The following PKIA variants were observed in gnomAD, a reference collection of about 807,000 sequenced individuals.
PKIA encodes PKI-alpha.
A neutral mutation model predicts 7.6 loss-of-function variants in PKIA; 4 were observed. The observed-to-expected ratio is 0.52, with a 90% CI of 0.26 to 1.20. PKIA has a LOEUF of 1.20. Ranked by LOEUF, PKIA falls within the 50% of genes most tolerant of loss-of-function variation. The pLI is 0.13. For missense variants in PKIA, 73 were observed against 86.2 expected, an observed-to-expected ratio of 0.85 and a Z score of 0.61; for synonymous variants, 21 against 30.7, an observed-to-expected ratio of 0.68 and a Z score of 1.04.
intron 2 of PKIA, among the ~76,000 whole-genome samples, chr8:78,574,152 G>A (rs1276712346): frequency 6.6e-6 from 1 of 151,906 alleles, no homozygotes; most frequent in Non-Finnish European, 1.5e-5. Flanking sequence ...AACAGTAATT[G>A]TACATATTTA....
chr8:78,574,769 T>C (rs1265625910), intron 2 of PKIA, among the ~76,000 whole-genome samples: 1 of 152,052 alleles, frequency 6.6e-6, no homozygotes. Context: ...TGTCTTTGTA[T>C]GTACTTATCA....
chr8:78,537,991 G>A (rs1412360359), intron 1 of PKIA, among the ~76,000 whole-genome samples: 2 of 151,876 alleles, frequency 1.3e-5, no homozygotes, highest in East Asian at 1.9e-4. Flanking sequence ...CAGGTGTCCT[G>A]GTCTCCAAAA....
At chr8:78,593,701 G>A (rs1360032569) in intron 2 of PKIA, among the ~76,000 whole-genome samples, 3 of 152,160 alleles carry the variant, frequency 2.0e-5, no homozygotes, top group Non-Finnish European at 4.4e-5. Context: ...CTCATAGACA[G>A]GCTGCCTGGT....
chr8:78,565,767 C>A (rs546273038), intron 1 of PKIA, among the ~76,000 whole-genome samples: 2 of 151,828 alleles, frequency 1.3e-5, no homozygotes, highest in African/African-American at 2.4e-5. Flanking sequence ...CAGGCACTCA[C>A]GGCATTGTTA....
At chr8:78,566,905 C>T (rs78310701) in intron 1 of PKIA, among the ~76,000 whole-genome samples, 5,536 of 152,144 alleles carry the variant, frequency 0.036, 153 homozygotes, top group South Asian at 0.07. Flanking sequence ...TCAGTGAGTT[C>T]TTCCAAAAAC....
intron 1 of PKIA, among the ~76,000 whole-genome samples, chr8:78,529,111 A>G (rs1192666770): frequency 6.6e-6 from 1 of 152,098 alleles, no homozygotes; most frequent in African/African-American, 2.4e-5. Context: ...TATTAATAAC[A>G]TACCATGATA....
chr8:78,567,932 T>G (rs968748620), intron 1 of PKIA, among the ~76,000 whole-genome samples: 9 of 152,288 alleles, frequency 5.9e-5, no homozygotes, highest in Non-Finnish European at 1.3e-4. Context: ...ATCACTTCCT[T>G]AATTTCTCAC....
At chr8:78,588,378 G>A (rs1808003724) in intron 2 of PKIA, among the ~76,000 whole-genome samples, 1 of 152,180 alleles carries the variant, frequency 6.6e-6, no homozygotes, top group Non-Finnish European at 1.5e-5. Flanking sequence ...TACTCAGGAG[G>A]CTGAGGCAGG....
chr8:78,551,360 T>C (rs1305563599), intron 1 of PKIA, among the ~76,000 whole-genome samples: 1 of 152,026 alleles, frequency 6.6e-6, no homozygotes, highest in Non-Finnish European at 1.5e-5. Flanking sequence ...TTAGCATATC[T>C]AAATAGTCCT....
At chr8:78,559,222 C>G (rs1241325874) in intron 1 of PKIA, among the ~76,000 whole-genome samples, 2 of 152,060 alleles carry the variant, frequency 1.3e-5, no homozygotes, top group Non-Finnish European at 2.9e-5. Context: ...GTGCCCAGCC[C>G]TTTATGGGTA....
chr8:78,525,802 A>C (rs1809530235), intron 1 of PKIA, among the ~76,000 whole-genome samples: 2 of 151,856 alleles, frequency 1.3e-5, no homozygotes, highest in South Asian at 2.1e-4. Context: ...ATTTATTTTT[A>C]ATTTATTTAT....
At chr8:78,579,490 C>T (rs1243347796) in intron 2 of PKIA, among the ~76,000 whole-genome samples, 1 of 151,986 alleles carries the variant, frequency 6.6e-6, no homozygotes, top group African/African-American at 2.4e-5. Context: ...AGCATTAGGA[C>T]CTTTGCACTT....
intron 1 of PKIA, among the ~76,000 whole-genome samples, chr8:78,537,050 G>C (rs529355627): frequency 3.3e-5 from 5 of 152,108 alleles, no homozygotes; most frequent in African/African-American, 1.2e-4. Flanking sequence ...TATAGACCTA[G>C]ATAGAGCTCA....
rs950749734 is a variant in PKIA at position 78,602,539 on chromosome 8, C to A, written c.*718C>A. On this transcript the variant is annotated 3_prime_UTR_variant, in exon 4 of 4. Coordinates refer to ENST00000396418, the MANE Select transcript of PKIA (RefSeq NM_006823.4). The stretch of plus-strand genomic sequence containing the variant: ...ATGTTGATGAGTTGATTAAGTCTAA[C>A]AGATTCATCAAGACTCCATTGCTTT... The A allele has an allele frequency of 3.9e-5, 6 of 152,134 alleles. No homozygotes were observed. Among genetic ancestry groups the A allele is most frequent in the Non-Finnish European group, 5.9e-5 (4 of 67,898 alleles). The allele number at this position is 152,134 out of a possible 1,614,324, so 9.4% of individuals were successfully genotyped here.
intron 1 of PKIA, among the ~76,000 whole-genome samples, chr8:78,559,031 C>A (rs1807219729): frequency 6.6e-6 from 1 of 152,308 alleles, no homozygotes; most frequent in South Asian, 2.1e-4. Context: ...CAGCGATTCT[C>A]CTGCCTCAGC....
At chr8:78,545,033 T>C (rs1806786149) in intron 1 of PKIA, among the ~76,000 whole-genome samples, 1 of 152,110 alleles carries the variant, frequency 6.6e-6, no homozygotes, top group African/African-American at 2.4e-5. Context: ...CTTTCACTAT[T>C]GGAAATAATA....
At chr8:78,601,264 T>A (rs1423238974) in intron 3 of PKIA, among the ~76,000 whole-genome samples, 1 of 152,096 alleles carries the variant, frequency 6.6e-6, no homozygotes, top group African/African-American at 2.4e-5. Flanking sequence ...TAATAGAACC[T>A]CTGAGAAATT....
At chr8:78,523,021 C>T (rs1809446458) in intron 1 of PKIA, among the ~76,000 whole-genome samples, 1 of 151,870 alleles carries the variant, frequency 6.6e-6, no homozygotes, top group African/African-American at 2.4e-5. Flanking sequence ...AACCATCCTC[C>T]TCAGCAGAAG....
chr8:78,578,696 C>T (rs1304317143), intron 2 of PKIA, among the ~76,000 whole-genome samples: 2 of 151,948 alleles, frequency 1.3e-5, no homozygotes, highest in Non-Finnish European at 2.9e-5. Flanking sequence ...CTTCCTTTCT[C>T]ACTTCACATT....
Sources: allele counts gnomAD v4.1 joint callset (sites outside exome capture counted in the v4.1 genomes callset), GRCh38; gene constraint gnomAD v4.1.1; transcripts MANE v1.5; gene names NCBI Gene and HGNC (gene_info 2026-07-23, HGNC 2026-07-21).